OGT: variants seen among roughly 807,000 people sequenced by gnomAD.
OGT encodes O-linked N-acetylglucosamine (GlcNAc) transferase, also known as UDP-N-acetylglucosamine--peptide N-acetylglucosaminyltransferase 110 kDa subunit.
In OGT, 3 loss-of-function variants were observed where a neutral mutation model predicts 75.8. That is an observed-to-expected ratio of 0.04 (90% CI 0.02 to 0.10). OGT has a LOEUF of 0.10. Among genes scored for constraint, OGT ranks in the 10% least tolerant of loss-of-function variants. OGT has a pLI of 1.00. For missense variants in OGT, 260 were observed against 824.4 expected (o/e 0.32, Z 8.38); for synonymous variants, 257 against 289.7 (o/e 0.89, Z 1.15).
intron 3 of OGT, among the ~76,000 whole-genome samples, chrX:71,543,026 G>T (rs2040230944): frequency 9.0e-6 from 1 of 111,359 alleles, no homozygotes; most frequent in African/African-American, 3.3e-5. Context: ...GGAGATGATG[G>T]AACTGACCCA....
intron 12 of OGT, among the ~76,000 whole-genome samples, chrX:71,558,100 C>T (rs919214012): frequency 9.1e-6 from 1 of 109,673 alleles, no homozygotes; most frequent in African/African-American, 3.3e-5. Flanking sequence ...GGACTACAGG[C>T]GCATGCCACC....
rs34739713 is a variant in OGT at position 71,557,585 on chromosome X, G to A, written c.1515G>A (p.Val505=). The change falls in exon 12 of 22, where the codon GTG becomes GTA. Residue 505 remains valine (V), a synonymous_variant. Coordinates refer to ENST00000373719, the MANE Select transcript of OGT (RefSeq NM_181672.3). ...TAGAGAAGAATAGGTTGCCTTCTGT[G>A]CATCCTCATCATAGTATGCTATATC... ...DQLEKNRLPS[V]HPHHSMLYPL... The A allele has an allele frequency of 7.5e-3, 9,046 of 1,208,010 alleles. 463 individuals carry two copies. The African/African-American group carries it at 0.14, about 19-fold the overall frequency.
At chrX:71,573,051 T>C (rs2040469306) in intron 21 of OGT, among the ~76,000 whole-genome samples, 1 of 112,393 alleles carries the variant, frequency 8.9e-6, no homozygotes, top group Non-Finnish European at 1.9e-5. Context: ...ATTGTATTTC[T>C]TTTCCCCTTG....
chrX:71,555,131 A>AT lies in OGT; in HGVS notation c.729-55dup, dbSNP rs2147682099. The AT allele has an allele frequency of 4.2e-6, 3 of 711,933 alleles. No homozygotes were observed. In the East Asian group the frequency reaches 1.3e-4, roughly 32 times the overall value. 58.7% of individuals were successfully genotyped at this position (711,933 alleles called of 1,213,427 possible). A position where few individuals can be genotyped will look rare whatever the true frequency, so the allele number is the denominator to read the frequency against. ...AAACCATCCATTAAGCATGAGTTAC[A>AT]TTTTGTGTGTGTGTGTGTGTGTGTG... On this transcript the variant is annotated intron_variant, in intron 6 of 21. Transcript: ENST00000373719.
rs2040348066 is a variant in OGT, at chrX:71,557,108, A to G, written c.1320+3A>G. On this transcript the variant is annotated splice_donor_region_variant and intron_variant, in intron 10 of 21. Coordinates refer to ENST00000373719, the MANE Select transcript of OGT (RefSeq NM_181672.3). ...GCAATCTGGCTTCCATTCATAAGGT[A>G]CTACTGTTTATTATAATATGTGCAG... 8.3e-7 allele frequency: 1 copy of G among 1,209,337 alleles called. No homozygotes were observed. Among genetic ancestry groups the G allele is most frequent in the Admixed American group, 2.2e-5 (1 of 45,997 alleles).
At chrX:71,549,295 CAAAAA>C (rs35779562) in intron 5 of OGT, among the ~76,000 whole-genome samples, 7 of 21,836 alleles carry the variant, frequency 3.2e-4, no homozygotes, top group African/African-American at 8.6e-4. Flanking sequence ...GGCCCTGTCT[CAAAAA>C]AAAAAAAAAA....
chrX:71,571,409 A>G (rs2040457459), intron 21 of OGT, among the ~76,000 whole-genome samples: 1 of 111,623 alleles, frequency 9.0e-6, no homozygotes, highest in Non-Finnish European at 1.9e-5. Context: ...CAGTACACAT[A>G]TATTTTTTTG....
intron 19 of OGT, 60 bp downstream of exon 19, chrX:71,564,813 A>T: frequency 1.1e-6 from 1 of 948,949 alleles, no homozygotes; most frequent in South Asian, 2.3e-5. Flanking sequence ...TTCTTGCTGA[A>T]GATGGTCCTT....
chrX:71,554,372 CACTA>C, intron 5 of OGT, 137 bp from the exon 6 acceptor site: 1 of 429,094 alleles, frequency 2.3e-6, no homozygotes, highest in Non-Finnish European at 4.1e-6. Context: ...AATGAGAAGA[CACTA>C]AATAAATAAT....
Position 71,567,539 on chromosome X carries a change from C to T in OGT, c.2629C>T (p.Arg877Cys). 1 of 1,181,412 alleles carries T rather than the reference C, an allele frequency of 8.5e-7. No homozygotes were observed. The highest frequency in any genetic ancestry group is 1.1e-6 in the Non-Finnish European group (1 of 874,342). The change falls in exon 20 of 22, where the codon CGT becomes TGT. Residue 877 changes from arginine (R) to cysteine (C), a missense_variant. Arg to Cys is a radical substitution (Grantham distance 180). This residue lies in a region of OGT where 79 missense variants were observed against 141.0 expected (regional missense o/e 0.56). Coordinates refer to ENST00000373719, the MANE Select transcript of OGT (RefSeq NM_181672.3). The part of the protein sequence containing the change: ...RVPNSVLWLL[R>C]FPAVGEPNIQ... Reference sequence around the variant, plus strand: ...TCCCAATAGTGTACTCTGGCTGTTGCGTTTTCCAGCAGTAGGAGAACCTAA... The same window carrying T: ...TCCCAATAGTGTACTCTGGCTGTTGTGTTTTCCAGCAGTAGGAGAACCTAA...
chrX:71,556,133 G>A (rs1354661885), intron 8 of OGT, 39 bp downstream of exon 8: 1 of 1,180,219 alleles, frequency 8.5e-7, no homozygotes, highest in East Asian at 3.0e-5. Flanking sequence ...TAGCATGATA[G>A]TAGAGGGAAA....
At chrX:71,559,701 A>G (rs2040368920) in intron 14 of OGT, 24 bp downstream of exon 14, 2 of 1,118,236 alleles carry the variant, frequency 1.8e-6, no homozygotes, top group Admixed American at 4.7e-5. Context: ...TCATACTTTA[A>G]CTTTTTATTT....
At chrX:71,535,666 T>C (rs2040170493) in intron 1 of OGT, among the ~76,000 whole-genome samples, 1 of 111,895 alleles carries the variant, frequency 8.9e-6, no homozygotes, top group Non-Finnish European at 1.9e-5. Context: ...ACATCTGGTG[T>C]CCTCACTGAG....
chrX:71,540,471 G>T (rs1277775493), intron 3 of OGT, among the ~76,000 whole-genome samples: 1 of 111,813 alleles, frequency 8.9e-6, no homozygotes, highest in African/African-American at 3.3e-5. Flanking sequence ...TGTTAAGGTG[G>T]TATCTTTGGT....
chrX:71,575,311 T>G lies in OGT; in HGVS notation c.*1517T>G, dbSNP rs2040488908. On this transcript the variant is annotated 3_prime_UTR_variant, in exon 22 of 22. Transcript: ENST00000373719. Reference sequence around the variant, plus strand: ...GCCTGAATGTATCCTAGCTGACAAATTATTGATTAATAAGAACTTGAATTT... The same window carrying G: ...GCCTGAATGTATCCTAGCTGACAAAGTATTGATTAATAAGAACTTGAATTT... 1.8e-5 allele frequency: 2 copies of G among 112,370 alleles called. No homozygotes were observed. The highest frequency in any genetic ancestry group is 7.4e-4 in the South Asian group (2 of 2,719). The allele number at this position is 112,370 out of a possible 1,213,427, so 9.3% of individuals were successfully genotyped here.
intron 19 of OGT, among the ~76,000 whole-genome samples, chrX:71,566,785 TGTG>T (rs1296011445): frequency 8.9e-6 from 1 of 112,645 alleles, no homozygotes; most frequent in African/African-American, 3.2e-5. Context: ...AGGGTGTTAA[TGTG>T]ATACATACAC....
At chrX:71,567,453 A>C in intron 19 of OGT, 47 bp from the exon 20 acceptor site, 1 of 1,069,810 alleles carries the variant, frequency 9.3e-7, no homozygotes, top group Non-Finnish European at 1.2e-6. Flanking sequence ...CTTTGTTGAA[A>C]AAGGCAGATC....
intron 21 of OGT, among the ~76,000 whole-genome samples, chrX:71,568,784 C>T (rs1339764243): frequency 3.7e-5 from 4 of 107,924 alleles, no homozygotes; most frequent in Non-Finnish European, 7.7e-5. Context: ...GCCGAGATCG[C>T]ACCATTGCAC....
At chrX:71,573,316 G>A (rs896964815) in intron 21 of OGT, among the ~76,000 whole-genome samples, 28 of 112,241 alleles carry the variant, frequency 2.5e-4, no homozygotes, top group African/African-American at 8.7e-4. Context: ...GTCATGTGCC[G>A]TTGTCAATTC....
Sources: gnomAD v4.1 joint callset for allele counts (sites outside exome capture counted in the v4.1 genomes callset) on GRCh38, gnomAD v4.1.1 for gene constraint, gnomAD v4.1.1 regional missense constraint, MANE v1.5 for transcripts, NCBI Gene and HGNC (gene_info 2026-07-23, HGNC 2026-07-21) for gene names.